ZNF414: variants seen among roughly 807,000 people sequenced by gnomAD.
ZNF414 encodes the protein zinc finger protein 414.
Under a neutral mutation model 38.3 loss-of-function variants are expected in ZNF414, and 32 were observed. The ratio of observed to expected loss-of-function variants is 0.83; its 90% CI spans 0.63 to 1.12. The LOEUF (loss-of-function observed/expected upper bound fraction) is 1.12. Among genes scored for constraint, ZNF414 ranks in the 50% most tolerant of loss-of-function variants. The pLI, the probability that ZNF414 is intolerant of heterozygous loss-of-function variation, is 0.00. For synonymous variants in ZNF414, 256 were observed against 248.0 expected (o/e 1.03, Z -0.30); for missense variants, 589 against 557.4 (o/e 1.06, Z -0.57).
rs1568322018 is a variant in ZNF414, at chr19:8,510,730, CA to C, written c.1133del (p.Leu378ArgfsTer73). On this transcript the variant is annotated frameshift_variant, in exon 8 of 8. Transcript: ENST00000393927. LOFTEE classifies it high-confidence loss of function. ...PAPLAPKVSP[L>X]LSEGELPVFS... Reference sequence around the variant, plus strand: ...ACACTGGAAGCTCCCCCTCTGACAGCAGCGGCGACACCTTGGGTGCAAGCGG... The same window carrying C: ...ACACTGGAAGCTCCCCCTCTGACAGCGCGGCGACACCTTGGGTGCAAGCGG... 2 of 1,549,764 alleles carry C rather than the reference CA, an allele frequency of 1.3e-6. No homozygotes were observed. The highest frequency in any genetic ancestry group is 1.7e-6 in the Non-Finnish European group (2 of 1,146,002).
chr19:8,510,980 G>A lies in ZNF414; in HGVS notation c.970C>T (p.Arg324Cys). Residue 324 changes from arginine (R) to cysteine (C), a missense_variant, in exon 7 of 8, where the codon CGC (arginine) becomes TGC (cysteine). Transcript: ENST00000393927. Reference protein sequence around the residue: ...SRIVWEHTRGRYSCMQCAFST... With the variant: ...SRIVWEHTRGCYSCMQCAFST... Reference sequence around the variant, plus strand: ...AAGGCGCACTGCATGCACGAGTAGCGGCCGCGTGTGTGCTCCCACACGATG... The same window carrying A: ...AAGGCGCACTGCATGCACGAGTAGCAGCCGCGTGTGTGCTCCCACACGATG... 7.9e-7 allele frequency: 1 copy of A among 1,267,364 alleles called. No individual in the cohort carries two copies. 78.5% of individuals were successfully genotyped at this position (1,267,364 alleles called of 1,614,324 possible).
At position 8,512,408 on chromosome 19, in the gene ZNF414, T is replaced by C. The variant is rs763318965; in HGVS notation, c.509A>G (p.Tyr170Cys). 1.9e-6 allele frequency: 3 copies of C among 1,613,638 alleles called. No homozygotes were observed. Among genetic ancestry groups the C allele is most frequent in the Non-Finnish European group, 2.5e-6 (3 of 1,179,988 alleles). ...TCACTTGAAGTAGCGATTGGGTTTG[T>C]AGTGCAGTTTGCTGTGAGCCACCAG... The part of the protein sequence containing the change: ...QELVAHSKLH[Y>C]KPNRYFKCEN... The change falls in exon 4 of 8, where the codon TAC (tyrosine) becomes TGC (cysteine). Residue 170 changes from tyrosine to cysteine, a missense_variant. Physicochemically the swap from Tyr to Cys is radical, Grantham distance 194. Transcript: ENST00000393927.
intron 1 of ZNF414, among the ~76,000 whole-genome samples, chr19:8,513,633 C>A (rs868034764): frequency 6.6e-6 from 1 of 152,138 alleles, no homozygotes; most frequent in African/African-American, 2.4e-5. Flanking sequence ...CATCTGCTCT[C>A]CTCAACTAGG....
chr19:8,510,403 A>C lies in ZNF414; in HGVS notation c.*288T>G. 1 of 280,968 alleles carries C rather than the reference A, an allele frequency of 3.6e-6. No individual in the cohort carries two copies. The highest frequency in any genetic ancestry group is 1.2e-4 in the South Asian group (1 of 8,050). The allele number at this position is 280,968 out of a possible 1,614,324, so 17.4% of individuals were successfully genotyped here. A position where few individuals can be genotyped will look rare whatever the true frequency, so the allele number is the denominator to read the frequency against. On this transcript the variant is annotated 3_prime_UTR_variant, in exon 8 of 8. Transcript: ENST00000393927. Reference sequence around the variant, plus strand: ...ACAGTGGGTACTGGGGACCTCAACCACAGCTGGAGGTGGGGACCTGGGTCC... The same window carrying C: ...ACAGTGGGTACTGGGGACCTCAACCCCAGCTGGAGGTGGGGACCTGGGTCC...
intron 2 of ZNF414, 88 bp from the exon 3 acceptor site, chr19:8,512,799 T>C (rs553233127): frequency 6.1e-5 from 79 of 1,303,452 alleles, no homozygotes; most frequent in Middle Eastern, 2.7e-4. Context: ...GAAGCAAATA[T>C]GATGTGCTGG....
chr19:8,510,788 C>A, intron 7 of ZNF414, 24 bp from the exon 8 acceptor site: 1 of 1,531,798 alleles, frequency 6.5e-7, no homozygotes, highest in Non-Finnish European at 8.8e-7. Context: ...AGGAGGGGGG[C>A]GCCTGAGCCT....
rs1971892070 is a variant in ZNF414, at chr19:8,510,051, G to C, written c.*640C>G. On this transcript the variant is annotated 3_prime_UTR_variant, in exon 8 of 8. Transcript: ENST00000393927. Reference sequence around the variant, plus strand: ...CACGCCTGTAATTCCAGCACTTTGGGAGTCTAAGGCGGGCGGATCATGAGG... The same window carrying C: ...CACGCCTGTAATTCCAGCACTTTGGCAGTCTAAGGCGGGCGGATCATGAGG... 6.6e-6 allele frequency: 1 copy of C among 151,670 alleles called. No individual in the cohort carries two copies. Among genetic ancestry groups the C allele is most frequent in the African/African-American group, 2.4e-5 (1 of 41,410 alleles). 9.4% of individuals were successfully genotyped at this position (151,670 alleles called of 1,614,324 possible). A position where few individuals can be genotyped will look rare whatever the true frequency, so the allele number is the denominator to read the frequency against.
chr19:8,510,899 C>G lies in ZNF414; in HGVS notation c.1051G>C (p.Ala351Pro). The G allele has an allele frequency of 1.7e-6, 2 of 1,166,762 alleles. No homozygotes were observed. The highest frequency in any genetic ancestry group is 2.1e-6 in the Non-Finnish European group (2 of 944,290). 72.3% of individuals were successfully genotyped at this position (1,166,762 alleles called of 1,614,324 possible). ...TLHLEDHRPG[A>P]PAAPAAGPPR... ...GGCCCGGCCGCGGGGGCCGCGGGGG[C>G]GCCGGGGCGGTGGTCCTCCAGGTGC... Residue 351 changes from alanine to proline, a missense_variant, in exon 7 of 8, where the codon GCC becomes CCC. Ala to Pro is a conservative substitution (Grantham distance 27, BLOSUM62 -1). Transcript: ENST00000393927.
chr19:8,511,051 C>A, intron 6 of ZNF414, 27 bp from the exon 7 acceptor site: 1 of 1,287,460 alleles, frequency 7.8e-7, no homozygotes, highest in South Asian at 2.5e-5. Context: ...CCCCGTCAGT[C>A]CCGGGCTCCC....
rs946363587 is a variant in ZNF414 at position 8,513,009 on chromosome 19, A to G, written c.316+20T>C. 6.9e-5 allele frequency: 100 copies of G among 1,441,174 alleles called. No individual in the cohort carries two copies. Among genetic ancestry groups the G allele is most frequent in the Middle Eastern group, 1.8e-4 (1 of 5,428 alleles). The allele number at this position is 1,441,174 out of a possible 1,614,324, so 89.3% of individuals were successfully genotyped here. On this transcript the variant is annotated intron_variant, in intron 2 of 7. Transcript: ENST00000393927. ...TGTTTCAGGGACTGTGATTCCCCAG[A>G]AGACCCCATCACAGATCACCTGGAG...
chr19:8,513,116 G>A lies in ZNF414; in HGVS notation c.229C>T (p.Pro77Ser), dbSNP rs1064010. 0.17 allele frequency: 264,206 copies of A among 1,536,428 alleles called. 23,609 individuals carry two copies. The highest frequency in any genetic ancestry group is 0.28 in the African/African-American group (20,602 of 72,660). Reference protein sequence around the residue: ...GSSPAPDSCQPGPGPSPGLTS... With the variant: ...GSSPAPDSCQSGPGPSPGLTS... ...AGGCCAGGGCTGGGTCCGGGGCCAGGCTGGCAGCTGTCTGGGGCTGGGGAG... is the reference window on the plus strand; with the variant it reads ...AGGCCAGGGCTGGGTCCGGGGCCAGACTGGCAGCTGTCTGGGGCTGGGGAG... The change falls in exon 2 of 8, where the codon CCT becomes TCT. Residue 77 changes from proline (P) to serine (S), a missense_variant. By Grantham distance (74) the Pro-to-Ser change is moderately conservative (BLOSUM62 -1). Transcript: ENST00000393927.
In ZNF414 at chr19:8,510,928, G is replaced by A. The variant is rs1971905128; in HGVS notation, c.1022C>T (p.Thr341Ile). 3 of 1,228,398 alleles carry A rather than the reference G, an allele frequency of 2.4e-6. No individual in the cohort carries two copies. Among genetic ancestry groups the A allele is most frequent in the Non-Finnish European group, 3.1e-6 (3 of 983,444 alleles). The allele number at this position is 1,228,398 out of a possible 1,614,324, so 76.1% of individuals were successfully genotyped here. ...GGGGCGGTGGTCCTCCAGGTGCAGG[G>A]TCATGGCGGGCCGCGAGGCCGTGGA... is the stretch of plus-strand genomic sequence containing the variant. ...AFSTASRPAM[T>I]LHLEDHRPGA... is the part of the protein sequence containing the mutation. Residue 341 changes from threonine (T) to isoleucine (I), a missense_variant, in exon 7 of 8, where the codon ACC becomes ATC. Thr to Ile is a moderately conservative substitution (Grantham distance 89, BLOSUM62 -1). Transcript: ENST00000393927.
In ZNF414 at chr19:8,511,661, G is replaced by T. The variant is rs746057320; in HGVS notation, c.830C>A (p.Pro277His). The T allele has an allele frequency of 2.0e-6, 3 of 1,504,390 alleles. No homozygotes were observed. The East Asian group carries it at 7.2e-5, about 36-fold the overall frequency. 93.2% of individuals were successfully genotyped at this position (1,504,390 alleles called of 1,614,324 possible). The change falls in exon 5 of 8, where the codon CCC (proline) becomes CAC (histidine). Residue 277 changes from proline (P) to histidine (H), a missense_variant. Pro to His is a moderately conservative substitution (Grantham distance 77). Transcript: ENST00000393927. ...GGCGGCGCTGGAAGCCGGCGGCCCG[G>T]GTGCAGCGGCCAGGAAGGGGCGCAG... ...PRLRPFLAAA[P>H]GPPASSAAVW... is the part of the protein sequence containing the mutation.
At chr19:8,512,153 T>G (rs1971927030) in intron 4 of ZNF414, 193 bp from the exon 5 acceptor site, 1 of 1,185,252 alleles carries the variant, frequency 8.4e-7, no homozygotes, top group Non-Finnish European at 1.1e-6. Flanking sequence ...CGGAAAGAAG[T>G]CTCAATTTTA....
intron 4 of ZNF414, 174 bp downstream of exon 4, chr19:8,512,213 G>A (rs1971927683): frequency 1.4e-6 from 2 of 1,433,238 alleles, no homozygotes; most frequent in African/African-American, 1.4e-5. Flanking sequence ...GCTGGGTGGG[G>A]CCACGCCCAC....
At position 8,511,890 on chromosome 19, in the gene ZNF414, G is replaced by T. The variant is rs770535139; in HGVS notation, c.601C>A (p.His201Asn). ...LFKHLHVCAE[H>N]AQSPAPPPPP... ...GGCGGCGGGGCTGGGCTCTGCGCAT[G>T]CTCCGCGCAAACATGCAGGTGCTTG... The change falls in exon 5 of 8, where the codon CAT becomes AAT. Residue 201 changes from histidine (H) to asparagine (N), a missense_variant. Coordinates refer to ENST00000393927, the MANE Select transcript of ZNF414 (RefSeq NM_001146175.2). 1 of 1,412,880 alleles carries T rather than the reference G, an allele frequency of 7.1e-7. No individual in the cohort carries two copies. The highest frequency in any genetic ancestry group is 9.2e-7 in the Non-Finnish European group (1 of 1,091,710). 87.5% of individuals were successfully genotyped at this position (1,412,880 alleles called of 1,614,324 possible).
intron 2 of ZNF414, 37 bp downstream of exon 2, chr19:8,512,992 G>A (rs1599892426): frequency 1.2e-5 from 17 of 1,435,368 alleles, no homozygotes; most frequent in Non-Finnish European, 1.6e-5. Flanking sequence ...ATTGTTTCAG[G>A]GACTGTGATT....
At chr19:8,513,518 C>A (rs1484125512) in intron 1 of ZNF414, among the ~76,000 whole-genome samples, 177 bp from the exon 2 acceptor site, 1 of 152,106 alleles carries the variant, frequency 6.6e-6, no homozygotes, top group Non-Finnish European at 1.5e-5. Flanking sequence ...GTCTTGAACC[C>A]CTGGTCTCAA....
chr19:8,510,623 T>A lies in ZNF414; in HGVS notation c.*68A>T. The A allele has an allele frequency of 9.0e-7, 1 of 1,105,458 alleles. No individual in the cohort carries two copies. Among genetic ancestry groups the A allele is most frequent in the Non-Finnish European group, 1.2e-6 (1 of 801,234 alleles). 68.5% of individuals were successfully genotyped at this position (1,105,458 alleles called of 1,614,324 possible). On this transcript the variant is annotated 3_prime_UTR_variant, in exon 8 of 8. Transcript: ENST00000393927. ...TCTTTATTGTCCACCCCAGCCCCCC[T>A]TCCCTGCAGCCCCCTCCAAATGACA...
Sources: allele counts gnomAD v4.1 joint callset (sites outside exome capture counted in the v4.1 genomes callset), GRCh38; gene constraint gnomAD v4.1.1; transcripts MANE v1.5; gene names NCBI Gene and HGNC (gene_info 2026-07-23, HGNC 2026-07-21).